SEZ6: variants seen among roughly 807,000 people sequenced by gnomAD.
SEZ6 encodes the protein seizure related 6 homolog.
SEZ6 carries 53 observed loss-of-function variants against 101.0 expected under a neutral mutation model. The observed-to-expected ratio is 0.52, with a 90% confidence interval of 0.42 to 0.66. SEZ6 has a LOEUF of 0.66. SEZ6 is among the 30% of genes least tolerant of loss of function. The probability of loss-of-function intolerance (pLI) is 0.00; values close to 1 mark genes in which losing one functional copy is unlikely to be tolerated. For synonymous variants in SEZ6, 488 were observed against 512.2 expected (o/e 0.95, Z 0.64); for missense variants, 1,102 against 1,289.4 (o/e 0.85, Z 2.23).
chr17:28,957,318 G>C, intron 12 of SEZ6, 30 bp downstream of exon 12: 1 of 1,610,716 alleles, frequency 6.2e-7, no homozygotes, highest in Non-Finnish European at 8.5e-7. Context: ...TCCAGCTAGA[G>C]GTTTTCCCTC....
At chr17:28,984,674 G>A (rs117237010) in intron 1 of SEZ6, among the ~76,000 whole-genome samples, 1,824 of 152,290 alleles carry the variant, frequency 0.012, 16 homozygotes, top group Middle Eastern at 0.027. Flanking sequence ...TGGTCCCAGC[G>A]GGTGCCACCC....
intron 3 of SEZ6, among the ~76,000 whole-genome samples, chr17:28,974,655 C>T (rs900029370): frequency 5.9e-5 from 9 of 152,158 alleles, no homozygotes; most frequent in South Asian, 2.1e-4. Flanking sequence ...AGCCAGGACT[C>T]GAGGCCAGGA....
At chr17:28,956,648 C>G in intron 14 of SEZ6, 71 bp downstream of exon 14, 1 of 1,545,396 alleles carries the variant, frequency 6.5e-7, no homozygotes, top group South Asian at 1.2e-5. Context: ...CCTTGGGAAG[C>G]CCATGACCTG....
At chr17:28,957,279 C>T in intron 12 of SEZ6, 37 bp from the exon 13 acceptor site, 1 of 1,612,782 alleles carries the variant, frequency 6.2e-7, no homozygotes, top group Non-Finnish European at 8.5e-7. Flanking sequence ...GGTGTCATGC[C>T]CTTGGCCTCC....
At position 28,960,509 on chromosome 17, in the gene SEZ6, A is replaced by G. The variant is rs2040960206; in HGVS notation, c.1572T>C (p.Tyr524=). 2.5e-6 allele frequency: 4 copies of G among 1,590,248 alleles called. No homozygotes were observed. The highest frequency in any genetic ancestry group is 1.8e-5 in the Admixed American group (1 of 56,600). The change falls in exon 7 of 17, where the codon TAT becomes TAC. Residue 524 remains tyrosine (Y), a synonymous_variant. Transcript: ENST00000317338. ...GTGAGGCCCCAGCAGGCTCACCCTCATAGCGCAGGGCCATGCCTGCAGCTG... is the reference window on the plus strand; with the variant it reads ...GTGAGGCCCCAGCAGGCTCACCCTCGTAGCGCAGGGCCATGCCTGCAGCTG... ...SGAAAGMALR[Y]EAFQQGHCYE... is the part of the protein sequence containing the mutation.
intron 3 of SEZ6, among the ~76,000 whole-genome samples, chr17:28,972,549 T>C (rs559941390): frequency 6.6e-6 from 1 of 152,306 alleles, no homozygotes; most frequent in East Asian, 1.9e-4. Flanking sequence ...GGCAGGGTGC[T>C]GGAGGCCGAG....
Position 28,959,913 on chromosome 17 carries a change from C to T in SEZ6, c.1577-21G>A. 20 of 1,587,102 alleles carry T rather than the reference C, an allele frequency of 1.3e-5. No individual in the cohort carries two copies. The highest frequency in any genetic ancestry group is 1.7e-5 in the Non-Finnish European group (20 of 1,166,864). The stretch of plus-strand genomic sequence containing the variant: ...GAAGGCTGTAAACCACAGGTCCCAG[C>T]CCAGCTCAGCCTTGACTGGTATTAA... On this transcript the variant is annotated intron_variant, in intron 7 of 16. Coordinates refer to ENST00000317338, the MANE Select transcript of SEZ6 (RefSeq NM_178860.5). The surrounding 1 kb of genome is among the most constrained non-coding windows in gnomAD (Gnocchi z 4.4).
Position 28,959,344 on chromosome 17 carries a change from C to A in SEZ6, c.1900G>T (p.Asp634Tyr). 1 of 1,613,826 alleles carries A rather than the reference C, an allele frequency of 6.2e-7. No individual in the cohort carries two copies. The highest frequency in any genetic ancestry group is 1.7e-5 in the Admixed American group (1 of 60,014). ...CCGGTAGGCACTCACACTCGGATGT[C>A]CAGCATGATGCGCTTGTCCTCTTCC... Reference protein sequence around the residue: ...HVEEDKRIMLDIRVLRIGPGD... With the variant: ...HVEEDKRIMLYIRVLRIGPGD... The change falls in exon 9 of 17, where the codon GAC becomes TAC. Residue 634 changes from aspartate (D) to tyrosine (Y), a missense_variant. Coordinates refer to ENST00000317338, the MANE Select transcript of SEZ6 (RefSeq NM_178860.5). This position sits in a 1 kb window ranked among gnomAD's most constrained non-coding sequence, Gnocchi z 4.4.
At chr17:28,987,456 C>T (rs115940256) in intron 1 of SEZ6, among the ~76,000 whole-genome samples, 2 of 152,146 alleles carry the variant, frequency 1.3e-5, no homozygotes, top group Admixed American at 6.5e-5. Flanking sequence ...CAATTCCATG[C>T]GCAACTGAAA....
At chr17:28,963,604 GT>G (rs2041019607) in intron 5 of SEZ6, among the ~76,000 whole-genome samples, 1 of 152,176 alleles carries the variant, frequency 6.6e-6, no homozygotes, top group African/African-American at 2.4e-5. Context: ...CCTCCTAAAT[GT>G]CCAGCTAAGA....
chr17:28,977,709 G>T (rs887641281), intron 3 of SEZ6, among the ~76,000 whole-genome samples: 1 of 151,400 alleles, frequency 6.6e-6, no homozygotes, highest in South Asian at 2.1e-4. Context: ...TGGTAGGCTT[G>T]GGGGGGGCAG....
chr17:28,991,962 G>A lies in SEZ6; in HGVS notation c.56-9923C>T, dbSNP rs539526147. 1.7e-4 allele frequency among the ~76,000 whole-genome samples: 26 copies of A among 152,284 alleles called. No homozygotes were observed. In the South Asian group the frequency reaches 4.6e-3, roughly 27 times the overall value. On this transcript the variant is annotated intron_variant, in intron 1 of 16. Coordinates refer to ENST00000317338, the MANE Select transcript of SEZ6 (RefSeq NM_178860.5). ...AGCTTCGTACTTTGCCCTCACATGTGTGTTCCAGGGGAACGTTTGCTGCGC... is the reference window on the plus strand; with the variant it reads ...AGCTTCGTACTTTGCCCTCACATGTATGTTCCAGGGGAACGTTTGCTGCGC...
At position 28,959,118 on chromosome 17, in the gene SEZ6, A is replaced by G. The variant is rs1296507486; in HGVS notation, c.2014T>C (p.Phe672Leu). ...ATGGTGACATCAGCCATGGAGGTAA[A>G]GAGCTTGAAGTGGCTACGGGGCCCT... ...YSGPRSHFKL[F>L]TSMADVTIQF... Residue 672 changes from phenylalanine (F) to leucine (L), a missense_variant, in exon 10 of 17, where the codon TTT becomes CTT. Physicochemically the swap from Phe to Leu is conservative, Grantham distance 22. Transcript: ENST00000317338. This position sits in a 1 kb window ranked among gnomAD's most constrained non-coding sequence, Gnocchi z 4.4. The G allele has an allele frequency of 3.7e-6, 6 of 1,613,984 alleles. No homozygotes were observed. Among genetic ancestry groups the G allele is most frequent in the Non-Finnish European group, 5.1e-6 (6 of 1,179,868 alleles).
chr17:28,957,937 G>T lies in SEZ6; in HGVS notation c.2302+10C>A, dbSNP rs1381444508. On this transcript the variant is annotated intron_variant, in intron 11 of 16. Coordinates refer to ENST00000317338, the MANE Select transcript of SEZ6 (RefSeq NM_178860.5). ...TTGGGAAGGGGAGCGTGGGGAACAG[G>T]TATACTCACCCCTCTGGCATGAGGG... 4.3e-6 allele frequency: 7 copies of T among 1,610,334 alleles called. No homozygotes were observed. In the Admixed American group the frequency reaches 1.2e-4, roughly 27 times the overall value.
chr17:29,000,295 G>T (rs1354161819), intron 1 of SEZ6, among the ~76,000 whole-genome samples: 1 of 152,224 alleles, frequency 6.6e-6, no homozygotes, highest in East Asian at 1.9e-4. Flanking sequence ...AGACACTTTG[G>T]AGTAGCCTTA....
chr17:28,987,996 G>A (rs921449295), intron 1 of SEZ6, among the ~76,000 whole-genome samples: 6 of 152,246 alleles, frequency 3.9e-5, no homozygotes, highest in Admixed American at 2.6e-4. Context: ...TAGCGCACTC[G>A]TGCCAGGAGC....
intron 1 of SEZ6, among the ~76,000 whole-genome samples, chr17:28,992,983 A>G (rs2041486662): frequency 6.6e-6 from 1 of 151,960 alleles, no homozygotes. Flanking sequence ...GCCTGCCCAC[A>G]GTTCCTCAGA....
chr17:28,981,257 G>C, intron 2 of SEZ6, 114 bp downstream of exon 2: 2 of 1,442,104 alleles, frequency 1.4e-6, no homozygotes, highest in Non-Finnish European at 1.8e-6. Flanking sequence ...CTGCAGGCTG[G>C]CCCTTGGTGC....
chr17:28,959,585 G>A lies in SEZ6; in HGVS notation c.1771+113C>T. The A allele has an allele frequency of 1.3e-6, 2 of 1,548,628 alleles. No individual in the cohort carries two copies. The highest frequency in any genetic ancestry group is 1.2e-5 in the South Asian group (1 of 82,074). ...TGGGACCCCCCACCTCCTCCTTGGA[G>A]GAAGCCTGAACCACGCATATCACAG... On this transcript the variant is annotated intron_variant, in intron 8 of 16. Transcript: ENST00000317338. This position sits in a 1 kb window ranked among gnomAD's most constrained non-coding sequence, Gnocchi z 4.4.
Sources: allele counts gnomAD v4.1 joint callset (sites outside exome capture counted in the v4.1 genomes callset), GRCh38; gene constraint gnomAD v4.1.1; non-coding constraint Gnocchi (gnomAD v3.1); transcripts MANE v1.5; gene names NCBI Gene and HGNC (gene_info 2026-07-23, HGNC 2026-07-21).